Variants in SYNE1 observed in about 807,000 individuals in gnomAD.
The protein encoded by SYNE1 is spectrin repeat containing nuclear envelope protein 1.
Under a neutral mutation model 1,111.0 loss-of-function variants are expected in SYNE1, and 616 were observed. The observed-to-expected ratio is 0.55, with a 90% CI of 0.52 to 0.59. The LOEUF (loss-of-function observed/expected upper bound fraction) is 0.59. Ranked by LOEUF, SYNE1 falls within the 20% of genes least tolerant of loss-of-function variation. SYNE1 has a pLI of 0.00. For synonymous variants in SYNE1, 3,855 were observed against 3,825.8 expected, an observed-to-expected ratio of 1.01 and a Z score of -0.28; for missense variants, 10,006 against 10,417.0, an observed-to-expected ratio of 0.96 and a Z score of 1.72.
chr6:152,355,319 A>T (rs1455406098), intron 66 of SYNE1, among the ~76,000 whole-genome samples: 1 of 152,204 alleles, frequency 6.6e-6, no homozygotes, highest in Admixed American at 6.5e-5. Flanking sequence ...TATAGCTCAT[A>T]ATCTGCTTAA....
intron 51 of SYNE1, among the ~76,000 whole-genome samples, chr6:152,392,281 C>T (rs903268833): frequency 1.3e-5 from 2 of 152,060 alleles, no homozygotes; most frequent in East Asian, 1.9e-4. Context: ...AATGTTCTTT[C>T]GAAAAGCTGT....
chr6:152,453,559 C>T, intron 25 of SYNE1, 27 bp downstream of exon 25: 4 of 1,614,168 alleles, frequency 2.5e-6, no homozygotes, highest in Middle Eastern at 1.6e-4. Flanking sequence ...TGAGGATGCA[C>T]GGTGTCTCCG....
chr6:152,123,996 A>T (rs1359514141), intron 145 of SYNE1, among the ~76,000 whole-genome samples: 3 of 152,194 alleles, frequency 2.0e-5, no homozygotes, highest in Admixed American at 6.5e-5. Flanking sequence ...GAACAGAGGG[A>T]GTATTCAAAA....
chr6:152,484,019 T>A (rs1393190357), intron 13 of SYNE1, among the ~76,000 whole-genome samples: 4 of 120,094 alleles, frequency 3.3e-5, no homozygotes. Flanking sequence ...CTGGGCAATA[T>A]AGTGAGATCT....
At chr6:152,248,579 T>A (rs533247546) in intron 105 of SYNE1, among the ~76,000 whole-genome samples, 5 of 152,264 alleles carry the variant, frequency 3.3e-5, no homozygotes, top group African/African-American at 9.6e-5. Flanking sequence ...AATTTACATA[T>A]CCAATCTTGT....
intron 98 of SYNE1, 129 bp from the exon 99 acceptor site, chr6:152,269,415 A>G: frequency 7.5e-7 from 1 of 1,328,756 alleles, no homozygotes; most frequent in Non-Finnish European, 1.0e-6. Flanking sequence ...GTGAAACCAC[A>G]TTTTTTAAAA....
Position 152,471,591 on chromosome 6 carries a change from A to G in SYNE1, c.1632+6T>C, listed in dbSNP as rs758756977. ...GGAATTCTCTGTCAAAGCACGGGGGACTCACCACGTAGTTTTGTAGAAGCT... is the reference window on the plus strand; with the variant it reads ...GGAATTCTCTGTCAAAGCACGGGGGGCTCACCACGTAGTTTTGTAGAAGCT... On this transcript the variant is annotated splice_donor_region_variant and intron_variant, in intron 16 of 145. Transcript: ENST00000367255. The G allele has an allele frequency of 4.9e-5, 79 of 1,613,378 alleles. No individual in the cohort carries two copies. In the Admixed American group the frequency reaches 1.3e-3, roughly 27 times the overall value.
chr6:152,202,366 A>AG (rs2075659401), intron 126 of SYNE1, among the ~76,000 whole-genome samples: 1 of 121,968 alleles, frequency 8.2e-6, no homozygotes. Context: ...AAAAAAAAAA[A>AG]AAAGCAAAAA....
intron 108 of SYNE1, among the ~76,000 whole-genome samples, chr6:152,237,500 G>A (rs771120415): frequency 7.9e-5 from 12 of 151,016 alleles, no homozygotes; most frequent in Admixed American, 2.6e-4. Flanking sequence ...TTTTTGTAGA[G>A]ATGGGGGTCT....
At chr6:152,468,842 CAT>C (rs2098787480) in intron 16 of SYNE1, among the ~76,000 whole-genome samples, 1 of 152,174 alleles carries the variant, frequency 6.6e-6, no homozygotes, top group Admixed American at 6.6e-5. Context: ...GCAGCAAGAT[CAT>C]AGCTCACTGC....
At position 152,148,017 on chromosome 6, in the gene SYNE1, C is replaced by G; in HGVS notation, c.24976+28G>C. Reference sequence around the variant, plus strand: ...TAATTCCCTCTGACTTTCCTTTAAGCTGGCAAACTGGAGAGGCTCTTTCCT... The same window carrying G: ...TAATTCCCTCTGACTTTCCTTTAAGGTGGCAAACTGGAGAGGCTCTTTCCT... On this transcript the variant is annotated intron_variant, in intron 137 of 145. Transcript: ENST00000367255. The surrounding 1 kb of genome is among the most constrained non-coding windows in gnomAD (Gnocchi z 4.1). The G allele has an allele frequency of 6.2e-7, 1 of 1,601,048 alleles. No individual in the cohort carries two copies.
At chr6:152,400,444 A>AT (rs2097795113) in intron 47 of SYNE1, among the ~76,000 whole-genome samples, 1 of 152,086 alleles carries the variant, frequency 6.6e-6, no homozygotes, top group South Asian at 2.1e-4. Flanking sequence ...CCAGTGGATC[A>AT]TTTGAGGTCA....
intron 121 of SYNE1, among the ~76,000 whole-genome samples, chr6:152,217,301 C>T (rs1563601738): frequency 6.8e-6 from 1 of 146,064 alleles, no homozygotes; most frequent in Non-Finnish European, 1.5e-5. Flanking sequence ...GAGGCTGAGG[C>T]AAGAGAATGG....
At chr6:152,164,034 C>A in intron 131 of SYNE1, 129 bp downstream of exon 131, 2 of 1,293,054 alleles carry the variant, frequency 1.5e-6, no homozygotes, top group South Asian at 1.2e-5. Context: ...AGCCCCCTTC[C>A]TCACCAGTCC....
At chr6:152,174,360 G>T (rs144480433) in intron 130 of SYNE1, among the ~76,000 whole-genome samples, 39 of 152,218 alleles carry the variant, frequency 2.6e-4, no homozygotes, top group African/African-American at 8.9e-4. Flanking sequence ...ATATACATTT[G>T]TTGAAACTCC....
rs201078625 is a variant in SYNE1, at chr6:152,254,988, A to G, written c.19362T>C (p.Ile6454=). 154 of 1,614,008 alleles carry G rather than the reference A, an allele frequency of 9.5e-5. 1 individual carries two copies. The East Asian group carries it at 3.4e-3, about 36-fold the overall frequency. The change falls in exon 104 of 146, where the codon ATT becomes ATC. Residue 6454 remains isoleucine (I), a synonymous_variant. Transcript: ENST00000367255. ...CCAAAAGACAACCCAAAGTATCTTC[A>G]ATAACATCTCGATTATCACCATTCT... ...FPENGDNRDV[I]EDTLGCLLGR...
Position 152,231,453 on chromosome 6 carries a change from CA to C in SYNE1, c.20976del (p.Phe6992LeufsTer8), listed in dbSNP as rs2082727254. On this transcript the variant is annotated frameshift_variant, in exon 114 of 146. Transcript: ENST00000367255. LOFTEE classifies it high-confidence loss of function. ...TTATTCATTGCTCCAAGTTGCTCAGCAAAATCAGTCTTATCACTACGCTTAC... is the reference window on the plus strand; with the variant it reads ...TTATTCATTGCTCCAAGTTGCTCAGCAAATCAGTCTTATCACTACGCTTAC... ...VESKRSDKTD[F>X]AEQLGAMNKS... 6.2e-7 allele frequency: 1 copy of C among 1,614,002 alleles called. No homozygotes were observed. The highest frequency in any genetic ancestry group is 1.3e-5 in the African/African-American group (1 of 74,900).
At chr6:152,426,362 C>T (rs1008146525) in intron 38 of SYNE1, among the ~76,000 whole-genome samples, 3 of 152,214 alleles carry the variant, frequency 2.0e-5, no homozygotes, top group Non-Finnish European at 4.4e-5. Flanking sequence ...CAGGTGAGAT[C>T]ATAAAGCAGA....
chr6:152,449,712 T>C lies in SYNE1; in HGVS notation c.3396-71A>G. 9 of 1,185,800 alleles carry C rather than the reference T, an allele frequency of 7.6e-6. No individual in the cohort carries two copies. In the South Asian group the frequency reaches 8.8e-5, roughly 12 times the overall value. The allele number at this position is 1,185,800 out of a possible 1,614,324, so 73.5% of individuals were successfully genotyped here. On this transcript the variant is annotated intron_variant, in intron 27 of 145. Transcript: ENST00000367255. ...AATGATCAGAATATGTTTTCTATTT[T>C]GAATTCACTCATGGAAATTTAACAA...
Sources: gnomAD v4.1 joint callset for allele counts (sites outside exome capture counted in the v4.1 genomes callset) on GRCh38, gnomAD v4.1.1 for gene constraint, Gnocchi (gnomAD v3.1) non-coding constraint, MANE v1.5 for transcripts, NCBI Gene and HGNC (gene_info 2026-07-23, HGNC 2026-07-21) for gene names.